The following PARD3B variants were observed in gnomAD, a reference collection of about 807,000 sequenced individuals.
PARD3B encodes the protein partitioning defective 3 homolog B.
Under a neutral mutation model 130.2 loss-of-function variants are expected in PARD3B, and 103 were observed. The ratio of observed to expected loss-of-function variants is 0.79; its 90% CI spans 0.67 to 0.93. The LOEUF (loss-of-function observed/expected upper bound fraction) is 0.93. Among genes scored for constraint, PARD3B ranks in the 40% least tolerant of loss-of-function variants. The pLI, the probability that PARD3B is intolerant of heterozygous loss-of-function variation, is 0.00. For synonymous variants in PARD3B, 583 were observed against 553.2 expected, an observed-to-expected ratio of 1.05 and a Z score of -0.76; for missense variants, 1,609 against 1,499.2, an observed-to-expected ratio of 1.07 and a Z score of -1.21.
intron 15 of PARD3B, among the ~76,000 whole-genome samples, chr2:205,234,760 C>T (rs1281027101): frequency 6.6e-6 from 1 of 151,922 alleles, no homozygotes; most frequent in African/African-American, 2.4e-5. Context: ...GCACATAGAA[C>T]ATTTAACAGG....
intron 1 of PARD3B, among the ~76,000 whole-genome samples, chr2:204,564,733 A>G (rs1057398990): frequency 6.6e-6 from 1 of 152,120 alleles, no homozygotes; most frequent in South Asian, 2.1e-4. Context: ...TTCTCATTCA[A>G]TCTGTTGCAA....
intron 10 of PARD3B, among the ~76,000 whole-genome samples, chr2:205,140,456 GA>G (rs5837955): frequency 0.33 from 29,440 of 88,542 alleles, 3,720 homozygotes; most frequent in Admixed American, 0.46. Context: ...TCCAGAGAGT[GA>G]AAAAAAAAAA....
At chr2:204,991,988 G>C (rs1421710800) in intron 3 of PARD3B, among the ~76,000 whole-genome samples, 1 of 151,926 alleles carries the variant, frequency 6.6e-6, no homozygotes, top group Non-Finnish European at 1.5e-5. Context: ...CCCTTTGTCA[G>C]ATGAGTAGGT....
At chr2:204,915,355 A>G (rs2047404151) in intron 2 of PARD3B, among the ~76,000 whole-genome samples, 1 of 152,162 alleles carries the variant, frequency 6.6e-6, no homozygotes. Flanking sequence ...TTCTCCCAAA[A>G]TGAAGCTGTA....
chr2:204,867,918 C>A lies in PARD3B; in HGVS notation c.223-97234C>A, dbSNP rs1575170012. On this transcript the variant is annotated intron_variant, in intron 2 of 22. Coordinates refer to ENST00000406610, the MANE Select transcript of PARD3B (RefSeq NM_001302769.2). ...ATTGAAACTGACTAACCTACACCTT[C>A]TACTGTAAAAAGTATGGGAGAGGAA... Among the ~76,000 whole-genome samples the A allele has an allele frequency of 2.0e-5, 3 of 152,286 alleles. 1 individual carries two copies. Among genetic ancestry groups the A allele is most frequent in the African/African-American group, 7.2e-5 (3 of 41,560 alleles).
chr2:205,034,428 A>G (rs959829776), intron 3 of PARD3B, among the ~76,000 whole-genome samples: 6 of 152,182 alleles, frequency 3.9e-5, no homozygotes, highest in African/African-American at 1.4e-4. Flanking sequence ...TCTTCCAACA[A>G]TCCACAGCTC....
intron 1 of PARD3B, among the ~76,000 whole-genome samples, chr2:204,563,717 CTT>C (rs754163744): frequency 1.6e-4 from 25 of 152,308 alleles, no homozygotes; most frequent in Admixed American, 3.9e-4. Flanking sequence ...TCAGTTGACA[CTT>C]TTGAGACTCA....
At position 205,254,725 on chromosome 2, in the gene PARD3B, G is replaced by A. The variant is rs1374671779; in HGVS notation, c.2185+8903G>A. On this transcript the variant is annotated intron_variant, in intron 16 of 22. Transcript: ENST00000406610. ...GTCGCCCAGACTGGAGTGCAGTGGC[G>A]CGATCTCGGCTCACTGCAGGCTCCG... 2.0e-3 allele frequency among the ~76,000 whole-genome samples: 302 copies of A among 150,272 alleles called. 2 individuals carry two copies. The highest frequency in any genetic ancestry group is 7.1e-3 in the African/African-American group (290 of 40,838).
At chr2:205,149,452 C>A (rs189501940) in intron 10 of PARD3B, among the ~76,000 whole-genome samples, 3 of 152,288 alleles carry the variant, frequency 2.0e-5, no homozygotes, top group Non-Finnish European at 4.4e-5. Flanking sequence ...TACCACCCGT[C>A]CTCCTCTGTT....
intron 3 of PARD3B, among the ~76,000 whole-genome samples, chr2:205,013,882 A>G (rs1424311630): frequency 6.6e-6 from 1 of 152,204 alleles, no homozygotes; most frequent in African/African-American, 2.4e-5. Context: ...GGAAGTAAGC[A>G]ATGGAACAAT....
chr2:205,029,585 T>C (rs1697282980), intron 3 of PARD3B, among the ~76,000 whole-genome samples: 1 of 152,184 alleles, frequency 6.6e-6, no homozygotes, highest in African/African-American at 2.4e-5. Flanking sequence ...ACAGTTAGAA[T>C]TATAATTCTC....
At chr2:205,355,604 T>C (rs2044162985) in intron 18 of PARD3B, among the ~76,000 whole-genome samples, 1 of 152,178 alleles carries the variant, frequency 6.6e-6, no homozygotes, top group Non-Finnish European at 1.5e-5. Context: ...AGAATGGTTG[T>C]GACTGAACAA....
intron 18 of PARD3B, among the ~76,000 whole-genome samples, chr2:205,335,332 G>A (rs902280938): frequency 3.3e-5 from 5 of 152,146 alleles, no homozygotes; most frequent in African/African-American, 1.2e-4. Flanking sequence ...TATCTCTAAG[G>A]CTTACCATCA....
chr2:204,822,047 T>A (rs2125547272), intron 2 of PARD3B, among the ~76,000 whole-genome samples: 1 of 152,336 alleles, frequency 6.6e-6, no homozygotes, highest in South Asian at 2.1e-4. Flanking sequence ...TTCCTTAACT[T>A]GGCAATGTAA....
chr2:204,785,028 T>A (rs1005089301), intron 2 of PARD3B, among the ~76,000 whole-genome samples: 1 of 152,116 alleles, frequency 6.6e-6, no homozygotes, highest in Admixed American at 6.5e-5. Context: ...ATTAAAAAAT[T>A]AACTACAGTA....
rs1276368631 is a variant in PARD3B at position 205,183,762 on chromosome 2, G to GTGTGTT, written c.1925-1997_1925-1996insTTGTGT. Among the ~76,000 whole-genome samples the GTGTGTT allele has an allele frequency of 6.6e-6, 1 of 151,548 alleles. No homozygotes were observed. The highest frequency in any genetic ancestry group is 1.5e-5 in the Non-Finnish European group (1 of 67,940). The stretch of plus-strand genomic sequence containing the variant: ...TGTGTGTGTGTGTGTGTGTGTGTGT[G>GTGTGTT]TGTGTGTGTGTGAACAGATTTATGA... On this transcript the variant is annotated intron_variant, in intron 13 of 22. Coordinates refer to ENST00000406610, the MANE Select transcript of PARD3B (RefSeq NM_001302769.2). This position sits in a 1 kb window ranked among gnomAD's most constrained non-coding sequence, Gnocchi z 5.2.
chr2:205,403,159 T>G (rs1305405973), intron 19 of PARD3B, among the ~76,000 whole-genome samples: 2 of 152,368 alleles, frequency 1.3e-5, no homozygotes, highest in East Asian at 3.9e-4. Flanking sequence ...CCTAATATGT[T>G]TGAAATTTGT....
chr2:205,313,404 A>G (rs1257777690), intron 18 of PARD3B, among the ~76,000 whole-genome samples: 1 of 152,190 alleles, frequency 6.6e-6, no homozygotes, highest in Non-Finnish European at 1.5e-5. Flanking sequence ...TGGAGGGGCA[A>G]GGGCATGGAT....
intron 15 of PARD3B, among the ~76,000 whole-genome samples, chr2:205,210,247 A>G (rs2037555099): frequency 6.6e-6 from 1 of 151,918 alleles, no homozygotes; most frequent in Admixed American, 6.6e-5. Context: ...AAAATAAAAT[A>G]AAAAGAAAAT....
Sources: allele counts gnomAD v4.1 joint callset (sites outside exome capture counted in the v4.1 genomes callset), GRCh38; gene constraint gnomAD v4.1.1; non-coding constraint Gnocchi (gnomAD v3.1); transcripts MANE v1.5; gene names NCBI Gene and HGNC (gene_info 2026-07-23, HGNC 2026-07-21).